DOP1B: variants seen among roughly 807,000 people sequenced by gnomAD.
DOP1B encodes DOP1 leucine zipper like protein B.
In DOP1B, 174 loss-of-function variants were observed where a neutral mutation model predicts 233.5. The observed-to-expected ratio is 0.75, with a 90% CI of 0.66 to 0.85. DOP1B has a LOEUF of 0.85. DOP1B is among the 40% of genes least tolerant of loss of function. DOP1B has a pLI of 0.00. For synonymous variants in DOP1B, 1,190 were observed against 1,185.6 expected (o/e 1.00, Z -0.08); for missense variants, 2,652 against 2,846.6 (o/e 0.93, Z 1.56).
rs752720120 is a variant in DOP1B, at chr21:36,199,256, G to A, written c.320+5G>A. On this transcript the variant is annotated splice_donor_5th_base_variant and intron_variant, in intron 3 of 36. Coordinates refer to ENST00000691173, the MANE Select transcript of DOP1B (RefSeq NM_001320714.2). Reference sequence around the variant, plus strand: ...CAAGGACTTGTTTCTGTACAGGTGCGATTGCTTCTCTGCTGTGTTCCTTTT... The same window carrying A: ...CAAGGACTTGTTTCTGTACAGGTGCAATTGCTTCTCTGCTGTGTTCCTTTT... 12 of 1,610,036 alleles carry A rather than the reference G, an allele frequency of 7.5e-6. No individual in the cohort carries two copies. The highest frequency in any genetic ancestry group is 2.2e-5 in the East Asian group (1 of 44,838).
In DOP1B at chr21:36,263,666, A is replaced by G. The variant is rs747336620; in HGVS notation, c.5420+16A>G. ...TGCTTCTCAGGTATCATGTCACCAC[A>G]TTGTCATTGTGTAATATTTTCTCTT... On this transcript the variant is annotated intron_variant, in intron 25 of 36. Transcript: ENST00000691173. 2 of 1,613,494 alleles carry G rather than the reference A, an allele frequency of 1.2e-6. No individual in the cohort carries two copies. The highest frequency in any genetic ancestry group is 2.2e-5 in the South Asian group (2 of 91,064).
intron 21 of DOP1B, 69 bp downstream of exon 21, chr21:36,248,637 A>G (rs959486014): frequency 2.7e-6 from 4 of 1,459,422 alleles, no homozygotes; most frequent in Non-Finnish European, 3.7e-6. Context: ...ATAAATGTGT[A>G]TAGGAAAGTG....
At chr21:36,214,761 A>G (rs775913359) in intron 9 of DOP1B, among the ~76,000 whole-genome samples, 6 of 152,222 alleles carry the variant, frequency 3.9e-5, no homozygotes, top group South Asian at 2.1e-4. Flanking sequence ...GCAGTGGCTC[A>G]TGCCTGTAAT....
intron 2 of DOP1B, among the ~76,000 whole-genome samples, chr21:36,168,084 C>CA (rs888687762): frequency 3.3e-4 from 50 of 151,606 alleles, no homozygotes; most frequent in South Asian, 1.0e-3. Context: ...ACTGAGACTA[C>CA]AGGCGCACAC....
In DOP1B at chr21:36,230,606, C is replaced by T. The variant is rs751197325; in HGVS notation, c.1822C>T (p.Arg608Ter). 6 of 1,614,018 alleles carry T rather than the reference C, an allele frequency of 3.7e-6. No homozygotes were observed. The highest frequency in any genetic ancestry group is 2.2e-5 in the East Asian group (1 of 44,898). Residue 608 changes from arginine (R) to a stop codon, truncating the protein, a stop_gained, in exon 14 of 37, where the codon CGA (arginine) becomes TGA (stop). Transcript: ENST00000691173. LOFTEE classifies it high-confidence loss of function. ...PELSEHLRVP[R>*]VSLERDDVWK... is the part of the protein sequence containing the mutation. ...GCTCTCTGAGCACTTGAGGGTTCCT[C>T]GAGTTTCTCTGGAAAGGGACGACGT...
At chr21:36,247,711 G>C (rs1160134756) in intron 20 of DOP1B, 83 bp downstream of exon 20, 3 of 994,996 alleles carry the variant, frequency 3.0e-6, no homozygotes, top group Non-Finnish European at 4.5e-6. Flanking sequence ...AATAAGTAAC[G>C]TATGTATGTA....
chr21:36,206,906 A>T (rs2066432002), intron 4 of DOP1B, among the ~76,000 whole-genome samples: 2 of 152,186 alleles, frequency 1.3e-5, no homozygotes, highest in Admixed American at 1.3e-4. Context: ...TTCTAAGAAG[A>T]CGGTACCATG....
At chr21:36,226,130 G>A (rs1432302047) in intron 12 of DOP1B, among the ~76,000 whole-genome samples, 2 of 152,120 alleles carry the variant, frequency 1.3e-5, no homozygotes, top group Admixed American at 6.6e-5. Flanking sequence ...TTGAAATACC[G>A]AGCCTAGCTC....
In DOP1B at chr21:36,230,741, G is replaced by T; in HGVS notation, c.1957G>T (p.Glu653Ter). The part of the protein sequence containing the change: ...FGVQLTASGE[E>*]SKSEEPAGKR... ...AGTACAGCTGACAGCGTCAGGAGAAGAAAGCAAGTCCGAGGAGCCTGCAGG... is the reference window on the plus strand; with the variant it reads ...AGTACAGCTGACAGCGTCAGGAGAATAAAGCAAGTCCGAGGAGCCTGCAGG... The change falls in exon 14 of 37, where the codon GAA becomes TAA. Residue 653 changes from glutamate (E) to a stop codon, truncating the protein, a stop_gained. Transcript: ENST00000691173. LOFTEE classifies it high-confidence loss of function. 2 of 1,614,218 alleles carry T rather than the reference G, an allele frequency of 1.2e-6. No homozygotes were observed. The highest frequency in any genetic ancestry group is 1.7e-6 in the Non-Finnish European group (2 of 1,180,046).
chr21:36,251,148 TCC>T lies in DOP1B; in HGVS notation c.4999-12_4999-11del, dbSNP rs112071403. ...ATATTACTCTGCAGTAACTTTTTTT[TCC>T]CTATTTTCTAGACCATAAGACAAAA... On this transcript the variant is annotated splice_polypyrimidine_tract_variant and intron_variant, in intron 21 of 36. Transcript: ENST00000691173. 3 of 1,598,456 alleles carry T rather than the reference TCC, an allele frequency of 1.9e-6. No individual in the cohort carries two copies. The highest frequency in any genetic ancestry group is 3.6e-5 in the Admixed American group (2 of 55,750).
intron 2 of DOP1B, chr21:36,168,868 T>C (rs946825407): frequency 1.5e-5 from 6 of 405,862 alleles, no homozygotes; most frequent in Non-Finnish European, 2.7e-5. Context: ...ACCATCCTAG[T>C]TGTGTGAAGT....
In DOP1B at chr21:36,245,292, G is replaced by C. The variant is rs751821120; in HGVS notation, c.3312G>C (p.Pro1104=). 1.2e-6 allele frequency: 2 copies of C among 1,613,962 alleles called. No homozygotes were observed. The highest frequency in any genetic ancestry group is 8.5e-7 in the Non-Finnish European group (1 of 1,180,054). The part of the protein sequence containing the change: ...ELPDRTAHGA[P]DSSEHTESAD... Reference sequence around the variant, plus strand: ...CAGACAGGACGGCCCACGGCGCCCCGGACAGCAGCGAGCACACCGAGTCTG... The same window carrying C: ...CAGACAGGACGGCCCACGGCGCCCCCGACAGCAGCGAGCACACCGAGTCTG... Residue 1104 remains proline (P), a synonymous_variant, in exon 19 of 37, where the codon CCG becomes CCC. Transcript: ENST00000691173. This position sits in a 1 kb window ranked among gnomAD's most constrained non-coding sequence, Gnocchi z 5.5.
intron 33 of DOP1B, 102 bp from the exon 34 acceptor site, chr21:36,288,650 TATTC>T: frequency 6.0e-6 from 5 of 840,010 alleles, no homozygotes; most frequent in Admixed American, 4.8e-5. Context: ...GACCCCGTCT[TATTC>T]ATTCATTCAT....
intron 32 of DOP1B, among the ~76,000 whole-genome samples, chr21:36,287,267 C>T (rs116652951): frequency 2.1e-3 from 320 of 152,274 alleles, no homozygotes; most frequent in Middle Eastern, 6.8e-3. Flanking sequence ...TTACTTGCTC[C>T]GCTTCCCACC....
intron 2 of DOP1B, among the ~76,000 whole-genome samples, chr21:36,194,483 CTCTCT>C (rs1233764866): frequency 3.6e-5 from 4 of 110,358 alleles, no homozygotes; most frequent in Non-Finnish European, 6.1e-5. Flanking sequence ...TTCTCTCTCT[CTCTCT>C]TTTTTTTTTT....
intron 2 of DOP1B, among the ~76,000 whole-genome samples, chr21:36,171,911 G>A (rs999110984): frequency 2.0e-5 from 3 of 152,348 alleles, no homozygotes; most frequent in African/African-American, 7.2e-5. Context: ...GCGAGAGACA[G>A]ACGACAGATG....
intron 5 of DOP1B, among the ~76,000 whole-genome samples, chr21:36,210,301 G>A (rs1601414152): frequency 6.6e-6 from 1 of 152,042 alleles, no homozygotes; most frequent in East Asian, 1.9e-4. Context: ...TTGAGGTCAG[G>A]AGGTCAAGAG....
intron 8 of DOP1B, 102 bp from the exon 9 acceptor site, chr21:36,214,339 GT>G: frequency 1.5e-6 from 2 of 1,344,112 alleles, no homozygotes; most frequent in Non-Finnish European, 2.1e-6. Context: ...TGGGTGACTG[GT>G]TTTCCTTCTG....
chr21:36,278,326 T>C lies in DOP1B; in HGVS notation c.5940T>C (p.Ala1980=), dbSNP rs754584820. ...KEVLELFLDP[A]FFQMDTSCVH... ...TCCTGGAGCTGTTTCTCGACCCCGC[T>C]TTCTTTCAGATGGATACTTCCTGTG... The change falls in exon 30 of 37, where the codon GCT becomes GCC. Residue 1980 remains alanine (A), a synonymous_variant. Coordinates refer to ENST00000691173, the MANE Select transcript of DOP1B (RefSeq NM_001320714.2). The C allele has an allele frequency of 4.3e-6, 7 of 1,613,706 alleles. No homozygotes were observed. In the Admixed American group the frequency reaches 1.0e-4, roughly 23 times the overall value.
Sources: gnomAD v4.1 joint callset for allele counts (sites outside exome capture counted in the v4.1 genomes callset) on GRCh38, gnomAD v4.1.1 for gene constraint, Gnocchi (gnomAD v3.1) non-coding constraint, MANE v1.5 for transcripts, NCBI Gene and HGNC (gene_info 2026-07-23, HGNC 2026-07-21) for gene names.